Variants in TTF2 observed in about 807,000 individuals in gnomAD.
TTF2 encodes RNA polymerase II termination factor.
Under a neutral mutation model 142.4 loss-of-function variants are expected in TTF2, and 108 were observed. The observed-to-expected ratio is 0.76, with a 90% confidence interval of 0.65 to 0.89. TTF2 has a LOEUF of 0.89. Among genes scored for constraint, TTF2 ranks in the 40% least tolerant of loss-of-function variants. TTF2 has a pLI of 0.00. For missense variants in TTF2, 1,327 were observed against 1,379.8 expected, an observed-to-expected ratio of 0.96 and a Z score of 0.61; for synonymous variants, 483 against 506.2, an observed-to-expected ratio of 0.95 and a Z score of 0.61.
chr1:117,088,804 A>T lies in TTF2; in HGVS notation c.2164A>T (p.Thr722Ser), dbSNP rs1327854180. Residue 722 changes from threonine to serine, a missense_variant, in exon 13 of 23, where the codon ACC becomes TCC. Coordinates refer to ENST00000369466, the MANE Select transcript of TTF2 (RefSeq NM_003594.4). Reference protein sequence around the residue: ...IPGANLNVEGTSTPLLRIAWA... With the variant: ...IPGANLNVEGSSTPLLRIAWA... Reference sequence around the variant, plus strand: ...ATTTCACTTGTGATTCTTCCAGGGCACCTCAACACCTTTGCTTCGAATAGC... The same window carrying T: ...ATTTCACTTGTGATTCTTCCAGGGCTCCTCAACACCTTTGCTTCGAATAGC... 2.5e-6 allele frequency: 4 copies of T among 1,612,128 alleles called. No individual in the cohort carries two copies. The highest frequency in any genetic ancestry group is 3.4e-6 in the Non-Finnish European group (4 of 1,179,334).
chr1:117,081,090 T>C (rs1647466733), intron 9 of TTF2, among the ~76,000 whole-genome samples: 1 of 152,190 alleles, frequency 6.6e-6, no homozygotes, highest in South Asian at 2.1e-4. Context: ...TACATCCGAG[T>C]TTCCAGAGGC....
In TTF2 at chr1:117,106,709, T is replaced by TGAAA. The variant is rs1553202046; in HGVS notation, c.*5189_*5192dup. The TGAAA allele has an allele frequency of 6.6e-6, 1 of 152,188 alleles. No individual in the cohort carries two copies. Among genetic ancestry groups the TGAAA allele is most frequent in the Non-Finnish European group, 1.5e-5 (1 of 68,054 alleles). 9.4% of individuals were successfully genotyped at this position (152,188 alleles called of 1,614,324 possible). On this transcript the variant is annotated 3_prime_UTR_variant, in exon 23 of 23. Transcript: ENST00000369466. ...AGTTAGGGAAGATCTGAGGAAGTGATGAAAGAATGGAAATCAATATGTAAG... is the reference window on the plus strand; with the variant it reads ...AGTTAGGGAAGATCTGAGGAAGTGATGAAAGAAAGAATGGAAATCAATATGTAAG...
In TTF2 at chr1:117,090,186, T is replaced by G; in HGVS notation, c.2474T>G (p.Leu825Arg). 1 of 1,614,086 alleles carries G rather than the reference T, an allele frequency of 6.2e-7. No homozygotes were observed. Among genetic ancestry groups the G allele is most frequent in the South Asian group, 1.1e-5 (1 of 91,060 alleles). The change falls in exon 14 of 23, where the codon CTG (leucine) becomes CGG (arginine). Residue 825 changes from leucine to arginine, a missense_variant. Leu to Arg is a moderately radical substitution (Grantham distance 102). Transcript: ENST00000369466. This position sits in a 1 kb window ranked among gnomAD's most constrained non-coding sequence, Gnocchi z 4.8. The part of the protein sequence containing the change: ...SLLLRRTKDQ[L>R]DSTGRPLVIL... Reference sequence around the variant, plus strand: ...TTGCTGAGGAGAACAAAAGACCAGCTGGACTCTACTGGCAGACCTTTGGTA... The same window carrying G: ...TTGCTGAGGAGAACAAAAGACCAGCGGGACTCTACTGGCAGACCTTTGGTA...
intron 8 of TTF2, among the ~76,000 whole-genome samples, chr1:117,078,257 C>T (rs1657182921): frequency 6.6e-6 from 1 of 152,188 alleles, no homozygotes; most frequent in Non-Finnish European, 1.5e-5. Flanking sequence ...ATTTCTGTAG[C>T]AGTAAAGGAT....
At position 117,098,846 on chromosome 1, in the gene TTF2, G is replaced by A. The variant is rs757611653; in HGVS notation, c.3283G>A (p.Glu1095Lys). The change falls in exon 22 of 23, where the codon GAA (glutamate) becomes AAA (lysine). Residue 1095 changes from glutamate to lysine, a missense_variant. Transcript: ENST00000369466. Reference sequence around the variant, plus strand: ...GTCTTCTAACAGGAATCCATCACTTGAAGATCAAGCTTGTGACCGAATTTA... The same window carrying A: ...GTCTTCTAACAGGAATCCATCACTTAAAGATCAAGCTTGTGACCGAATTTA... Reference protein sequence around the residue: ...LLDMHWNPSLEDQACDRIYRV... With the variant: ...LLDMHWNPSLKDQACDRIYRV... The A allele has an allele frequency of 6.2e-7, 1 of 1,611,952 alleles. No individual in the cohort carries two copies. The highest frequency in any genetic ancestry group is 8.5e-7 in the Non-Finnish European group (1 of 1,179,406).
rs1649714495 is a variant in TTF2 at position 117,103,108 on chromosome 1, G to A, written c.*1584G>A. ...ACTGATGGAAGATTACAAGGCCCTA[G>A]GGAAGGTGAAGCCACTAGCTCAGCA... On this transcript the variant is annotated 3_prime_UTR_variant, in exon 23 of 23. Coordinates refer to ENST00000369466, the MANE Select transcript of TTF2 (RefSeq NM_003594.4). 2.0e-5 allele frequency: 3 copies of A among 152,140 alleles called. No individual in the cohort carries two copies. The highest frequency in any genetic ancestry group is 6.5e-5 in the Admixed American group (1 of 15,278). 9.4% of individuals were successfully genotyped at this position (152,140 alleles called of 1,614,324 possible). A position where few individuals can be genotyped will look rare whatever the true frequency, so the allele number is the denominator to read the frequency against.
intron 3 of TTF2, among the ~76,000 whole-genome samples, chr1:117,072,166 G>A (rs1656629474): frequency 6.6e-6 from 1 of 152,142 alleles, no homozygotes; most frequent in African/African-American, 2.4e-5. Context: ...CTGTGTTTGT[G>A]TGTGCAGGAA....
chr1:117,069,556 A>G (rs1289662880), intron 3 of TTF2, among the ~76,000 whole-genome samples: 1 of 152,234 alleles, frequency 6.6e-6, no homozygotes, highest in Admixed American at 6.5e-5. Flanking sequence ...CTTGGTATGT[A>G]TCAGGCTTTG....
intron 21 of TTF2, 84 bp from the exon 22 acceptor site, chr1:117,098,749 G>T: frequency 1.8e-6 from 2 of 1,140,382 alleles, no homozygotes; most frequent in Non-Finnish European, 2.5e-6. Flanking sequence ...AACAAGCTGT[G>T]GGCTGGATTT....
At chr1:117,072,993 A>G (rs1026041642) in intron 3 of TTF2, among the ~76,000 whole-genome samples, 11 of 152,048 alleles carry the variant, frequency 7.2e-5, no homozygotes, top group South Asian at 4.2e-4. Context: ...AGTAGTTTTA[A>G]TTTGTTTAAA....
chr1:117,061,891 C>T (rs1655711464), intron 2 of TTF2, among the ~76,000 whole-genome samples: 1 of 152,114 alleles, frequency 6.6e-6, no homozygotes, highest in African/African-American at 2.4e-5. Flanking sequence ...TGTTTACTCT[C>T]AAATGTTATA....
In TTF2 at chr1:117,090,453, T is replaced by G; in HGVS notation, c.2497-79T>G. ...ATTCCAGGGTTGACTAGATATGCAG[T>G]GTCAGTATGGGGAATTTGTTCTATA... On this transcript the variant is annotated intron_variant, in intron 14 of 22. Transcript: ENST00000369466. This position sits in a 1 kb window ranked among gnomAD's most constrained non-coding sequence, Gnocchi z 4.8. The G allele has an allele frequency of 7.3e-7, 1 of 1,364,984 alleles. No homozygotes were observed. 84.6% of individuals were successfully genotyped at this position (1,364,984 alleles called of 1,614,324 possible).
rs1649122581 is a variant in TTF2, at chr1:117,096,147, A to G, written c.3036-2A>G. ...ATTTTTTTATTTTATTCTTCTTTCC[A>G]GTGTCATTGTCTCTCAGTGGACCAA... On this transcript the variant is annotated splice_acceptor_variant, in intron 19 of 22. Transcript: ENST00000369466. LOFTEE classifies it high-confidence loss of function. 6.2e-7 allele frequency: 1 copy of G among 1,613,816 alleles called. No individual in the cohort carries two copies.
Position 117,087,794 on chromosome 1 carries a change from C to G in TTF2, c.2161-1007C>G, listed in dbSNP as rs1315407856. 6.6e-6 allele frequency among the ~76,000 whole-genome samples: 1 copy of G among 152,158 alleles called. No individual in the cohort carries two copies. The highest frequency in any genetic ancestry group is 1.5e-5 in the Non-Finnish European group (1 of 68,030). On this transcript the variant is annotated intron_variant, in intron 12 of 22. Coordinates refer to ENST00000369466, the MANE Select transcript of TTF2 (RefSeq NM_003594.4). The surrounding 1 kb of genome is among the most constrained non-coding windows in gnomAD (Gnocchi z 4.8). ...TTCTCCCAGGTTAATTTTTTTAAAC[C>G]TGCTTCAAGAATCTTTTCTGGACCA...
intron 3 of TTF2, among the ~76,000 whole-genome samples, chr1:117,064,017 G>T (rs78604519): frequency 0.015 from 2,349 of 152,008 alleles, 62 homozygotes; most frequent in African/African-American, 0.053. Context: ...CCTCCCTTCT[G>T]CCCTCTTCAC....
At position 117,073,265 on chromosome 1, in the gene TTF2, G is replaced by T. The variant is rs1656738132; in HGVS notation, c.219-396G>T. ...GTTTTTTGTTTGTTTTGGCTTCGTT[G>T]TTTTGGGGTTTTTTTTGGGGCAACA... On this transcript the variant is annotated intron_variant, in intron 3 of 22. Transcript: ENST00000369466. The surrounding 1 kb of genome is among the most constrained non-coding windows in gnomAD (Gnocchi z 4.4). Among the ~76,000 whole-genome samples the T allele has an allele frequency of 6.6e-6, 1 of 152,018 alleles. No homozygotes were observed. The highest frequency in any genetic ancestry group is 1.5e-5 in the Non-Finnish European group (1 of 67,998).
rs1657036940 is a variant in TTF2, at chr1:117,076,730, C to T, written c.1480C>T (p.Pro494Ser). The T allele has an allele frequency of 1.2e-6, 2 of 1,614,044 alleles. No individual in the cohort carries two copies. Among genetic ancestry groups the T allele is most frequent in the African/African-American group, 2.7e-5 (2 of 74,930 alleles). ...CCCTCCCCACCTGGTGCCTCCCCAA[C>T]CCCTTCCTCGTCGTGGTACCCAACC... ...TGPPHLVPPQ[P>S]LPRRGTQPVG... Residue 494 changes from proline to serine, a missense_variant, in exon 7 of 23, where the codon CCC (proline) becomes TCC (serine). Transcript: ENST00000369466. The surrounding 1 kb of genome is among the most constrained non-coding windows in gnomAD (Gnocchi z 4.6).
In TTF2 at chr1:117,079,265, C is replaced by G. The variant is rs888078805; in HGVS notation, c.1702-303C>G. 6.6e-6 allele frequency among the ~76,000 whole-genome samples: 1 copy of G among 152,052 alleles called. No homozygotes were observed. Among genetic ancestry groups the G allele is most frequent in the Non-Finnish European group, 1.5e-5 (1 of 68,006 alleles). On this transcript the variant is annotated intron_variant, in intron 8 of 22. Coordinates refer to ENST00000369466, the MANE Select transcript of TTF2 (RefSeq NM_003594.4). This position sits in a 1 kb window ranked among gnomAD's most constrained non-coding sequence, Gnocchi z 4.2. The stretch of plus-strand genomic sequence containing the variant: ...AAAAATAAAAATAAAAAAATAAAAG[C>G]TGTAGAGACTGATTTTGACTGATTA...
At position 117,075,869 on chromosome 1, in the gene TTF2, G is replaced by C; in HGVS notation, c.1275+10G>C. On this transcript the variant is annotated intron_variant, in intron 5 of 22. Transcript: ENST00000369466. The surrounding 1 kb of genome is among the most constrained non-coding windows in gnomAD (Gnocchi z 4.5). ...ACTGAAACAAAAGAAGGTAACTATT[G>C]ACTCGTGTTTTGTTTCTGAGGTCAG... The C allele has an allele frequency of 6.3e-7, 1 of 1,592,328 alleles. No individual in the cohort carries two copies. The highest frequency in any genetic ancestry group is 2.2e-5 in the East Asian group (1 of 44,786).
Sources: allele counts gnomAD v4.1 joint callset (sites outside exome capture counted in the v4.1 genomes callset), GRCh38; gene constraint gnomAD v4.1.1; non-coding constraint Gnocchi (gnomAD v3.1); transcripts MANE v1.5; gene names NCBI Gene and HGNC (gene_info 2026-07-23, HGNC 2026-07-21).